Variants in GRM1 observed in about 807,000 individuals in gnomAD.
The protein encoded by GRM1 is metabotropic glutamate receptor 1.
A neutral mutation model predicts 90.9 loss-of-function variants in GRM1; 33 were observed. The ratio of observed to expected loss-of-function variants is 0.36; its 90% CI spans 0.28 to 0.49. The LOEUF is 0.49. GRM1 is among the 20% of genes least tolerant of loss of function. The probability of loss-of-function intolerance (pLI) is 0.99; values close to 1 mark genes in which losing one functional copy is unlikely to be tolerated. For synonymous variants in GRM1, 700 were observed against 613.2 expected (o/e 1.14, Z -2.09); for missense variants, 1,190 against 1,534.3 (o/e 0.78, Z 3.75).
At chr6:146,430,758 A>G (rs547434290) in intron 7 of GRM1, among the ~76,000 whole-genome samples, 1 of 152,276 alleles carries the variant, frequency 6.6e-6, no homozygotes, top group East Asian at 1.9e-4. Context: ...TTCTCACCAA[A>G]ACAGTTCTTA....
intron 2 of GRM1, among the ~76,000 whole-genome samples, chr6:146,192,230 A>T (rs913110869): frequency 6.6e-6 from 1 of 152,252 alleles, no homozygotes; most frequent in African/African-American, 2.4e-5. Flanking sequence ...TAAATATGTC[A>T]TAACAACTAT....
chr6:146,149,611 C>G (rs1777241325), intron 1 of GRM1, among the ~76,000 whole-genome samples: 2 of 152,168 alleles, frequency 1.3e-5, no homozygotes, highest in African/African-American at 2.4e-5. Flanking sequence ...GGTTATCCAG[C>G]TCTTTACTGA....
At chr6:146,334,664 G>A (rs377507328) in intron 3 of GRM1, among the ~76,000 whole-genome samples, 87 of 152,238 alleles carry the variant, frequency 5.7e-4, no homozygotes, top group African/African-American at 1.7e-3. Context: ...TATTTTCTCC[G>A]TACGGGCTTC....
At chr6:146,381,919 G>A (rs575950228) in intron 5 of GRM1, among the ~76,000 whole-genome samples, 10 of 152,210 alleles carry the variant, frequency 6.6e-5, no homozygotes, top group South Asian at 2.1e-4. Flanking sequence ...CTTCAGAAAT[G>A]TAGTCCCAAA....
chr6:146,075,759 G>T (rs1562447186), intron 1 of GRM1, among the ~76,000 whole-genome samples: 1 of 152,164 alleles, frequency 6.6e-6, no homozygotes, highest in Non-Finnish European at 1.5e-5. Flanking sequence ...CCAGTTTCTG[G>T]TGGCTCCTGG....
intron 1 of GRM1, among the ~76,000 whole-genome samples, chr6:146,087,462 G>C (rs991213640): frequency 4.6e-5 from 7 of 152,058 alleles, no homozygotes; most frequent in African/African-American, 1.4e-4. Flanking sequence ...GTCTGTGTTT[G>C]CGCGCATGTG....
chr6:146,174,138 AT>A (rs1046656323), intron 2 of GRM1, among the ~76,000 whole-genome samples: 4 of 152,086 alleles, frequency 2.6e-5, no homozygotes. Context: ...GTTGAAAAAA[AT>A]CATGTCCTGA....
intron 3 of GRM1, among the ~76,000 whole-genome samples, chr6:146,320,801 G>C (rs1784157216): frequency 6.6e-6 from 1 of 152,082 alleles, no homozygotes; most frequent in South Asian, 2.1e-4. Context: ...ATTTCTGTAG[G>C]ATCAGTGATG....
intron 5 of GRM1, among the ~76,000 whole-genome samples, chr6:146,376,142 C>G (rs1776090376): frequency 6.6e-6 from 1 of 151,938 alleles, no homozygotes; most frequent in Non-Finnish European, 1.5e-5. Flanking sequence ...AATAAACAAA[C>G]AAAAAAGAAA....
At chr6:146,125,676 TA>T (rs1473435210) in intron 1 of GRM1, among the ~76,000 whole-genome samples, 1 of 152,132 alleles carries the variant, frequency 6.6e-6, no homozygotes. Context: ...TTTAAGCATC[TA>T]AACTCTTTTA....
chr6:146,183,834 C>T (rs184642341), intron 2 of GRM1, among the ~76,000 whole-genome samples: 1 of 152,292 alleles, frequency 6.6e-6, no homozygotes, highest in East Asian at 1.9e-4. Context: ...TGACTTCTAT[C>T]TCTTGCATAT....
At chr6:146,417,839 T>G (rs150099665) in intron 7 of GRM1, among the ~76,000 whole-genome samples, 132 of 152,258 alleles carry the variant, frequency 8.7e-4, no homozygotes, top group African/African-American at 3.1e-3. Context: ...TCCTTTTCTC[T>G]TCCCCTCTGT....
chr6:146,424,471 A>C (rs1778124367), intron 7 of GRM1, among the ~76,000 whole-genome samples: 1 of 152,240 alleles, frequency 6.6e-6, no homozygotes, highest in South Asian at 2.1e-4. Context: ...GGAGGCTGCA[A>C]GATGTGGGCC....
intron 1 of GRM1, among the ~76,000 whole-genome samples, chr6:146,074,221 C>T (rs1162703061): frequency 6.6e-6 from 1 of 152,124 alleles, no homozygotes; most frequent in Non-Finnish European, 1.5e-5. Flanking sequence ...TCCTCCCTAG[C>T]ATGGGGTTGG....
chr6:146,276,967 G>A (rs1431105653), intron 2 of GRM1, among the ~76,000 whole-genome samples: 1 of 152,056 alleles, frequency 6.6e-6, no homozygotes, highest in Non-Finnish European at 1.5e-5. Flanking sequence ...AATTAGTTGG[G>A]CATGTTGGGG....
At chr6:146,257,248 T>A (rs1165772728) in intron 2 of GRM1, among the ~76,000 whole-genome samples, 1 of 152,182 alleles carries the variant, frequency 6.6e-6, no homozygotes, top group Non-Finnish European at 1.5e-5. Flanking sequence ...GGACTGGTTT[T>A]CACCTTATAC....
chr6:146,088,833 A>G (rs1776627911), intron 1 of GRM1, among the ~76,000 whole-genome samples: 1 of 152,078 alleles, frequency 6.6e-6, no homozygotes, highest in Admixed American at 6.6e-5. Flanking sequence ...CCTTGTCCCC[A>G]CATCTGTTAA....
At chr6:146,294,104 A>C (rs1783091820) in intron 2 of GRM1, among the ~76,000 whole-genome samples, 1 of 151,222 alleles carries the variant, frequency 6.6e-6, no homozygotes, top group Admixed American at 6.6e-5. Flanking sequence ...CCCCAATTTT[A>C]TTATTTTTTG....
chr6:146,150,651 A>G (rs986840364), intron 1 of GRM1, among the ~76,000 whole-genome samples: 4 of 152,100 alleles, frequency 2.6e-5, no homozygotes, highest in African/African-American at 9.7e-5. Flanking sequence ...AATAGTAGAT[A>G]TTCATTTTAT....
Sources: gnomAD v4.1 joint callset for allele counts (sites outside exome capture counted in the v4.1 genomes callset) on GRCh38, gnomAD v4.1.1 for gene constraint, MANE v1.5 for transcripts, NCBI Gene and HGNC (gene_info 2026-07-23, HGNC 2026-07-21) for gene names.